MICU2: variants seen among roughly 807,000 people sequenced by gnomAD.
The protein encoded by MICU2 is mitochondrial calcium uptake 2, also known as calcium uptake protein 2, mitochondrial.
A neutral mutation model predicts 60.4 loss-of-function variants in MICU2; 64 were observed. The ratio of observed to expected loss-of-function variants is 1.06; its 90% confidence interval spans 0.87 to 1.31. The LOEUF (loss-of-function observed/expected upper bound fraction) is 1.31, where lower values mean the gene tolerates loss of function less well. Among genes scored for constraint, MICU2 ranks in the 50% most tolerant of loss-of-function variants. The pLI, the probability that MICU2 is intolerant of heterozygous loss-of-function variation, is 0.00. For missense variants in MICU2, 569 were observed against 531.0 expected, an observed-to-expected ratio of 1.07 and a Z score of -0.70; for synonymous variants, 201 against 175.0, an observed-to-expected ratio of 1.15 and a Z score of -1.17.
intron 6 of MICU2, among the ~76,000 whole-genome samples, chr13:21,519,731 A>G (rs1241218660): frequency 6.6e-6 from 1 of 152,170 alleles, no homozygotes; most frequent in Non-Finnish European, 1.5e-5. Flanking sequence ...CAAGCCCAAC[A>G]TTTCCAAGCT....
intron 6 of MICU2, 27 bp from the exon 7 acceptor site, chr13:21,514,445 CAT>C: frequency 6.3e-7 from 1 of 1,577,334 alleles, no homozygotes; most frequent in Non-Finnish European, 8.7e-7. Flanking sequence ...CATGAGTTTA[CAT>C]GTGTGCCTAC....
chr13:21,528,824 A>T (rs1035963325), intron 4 of MICU2, among the ~76,000 whole-genome samples: 2 of 152,244 alleles, frequency 1.3e-5, no homozygotes, highest in African/African-American at 4.8e-5. Context: ...TTTCTACTGA[A>T]GAAGTTAAAA....
chr13:21,494,029 GCT>G (rs1566135946), intron 11 of MICU2, among the ~76,000 whole-genome samples: 1 of 152,080 alleles, frequency 6.6e-6, no homozygotes, highest in African/African-American at 2.4e-5. Context: ...CTGATTTACA[GCT>G]TTTCTTTTTA....
chr13:21,594,905 T>TA (rs1303208663), intron 1 of MICU2, among the ~76,000 whole-genome samples: 2 of 151,732 alleles, frequency 1.3e-5, no homozygotes, highest in African/African-American at 4.8e-5. Flanking sequence ...GGAGGGAACT[T>TA]AGAGGATGGG....
intron 4 of MICU2, among the ~76,000 whole-genome samples, chr13:21,527,297 C>T (rs1468861232): frequency 6.6e-6 from 1 of 152,138 alleles, no homozygotes; most frequent in South Asian, 2.1e-4. Flanking sequence ...CAAAGGAATA[C>T]GGCAATGTGA....
At chr13:21,595,059 T>C (rs1888663083) in intron 1 of MICU2, among the ~76,000 whole-genome samples, 1 of 152,156 alleles carries the variant, frequency 6.6e-6, no homozygotes, top group African/African-American at 2.4e-5. Context: ...ATTTTAAGAA[T>C]AAAAACCAGA....
intron 4 of MICU2, among the ~76,000 whole-genome samples, chr13:21,528,843 CAGA>C (rs1443861159): frequency 1.2e-4 from 18 of 152,104 alleles, no homozygotes; most frequent in Non-Finnish European, 5.9e-5. Context: ...AAACAATTCC[CAGA>C]AGAAGTGAAG....
intron 1 of MICU2, among the ~76,000 whole-genome samples, chr13:21,582,295 A>G (rs936995745): frequency 1.3e-5 from 2 of 152,198 alleles, no homozygotes; most frequent in African/African-American, 4.8e-5. Flanking sequence ...TGAAGATACA[A>G]TAGCCAAAAC....
Position 21,493,201 on chromosome 13 carries a change from A to C in MICU2, c.*48T>G, listed in dbSNP as rs1159241252. On this transcript the variant is annotated 3_prime_UTR_variant, in exon 12 of 12. Coordinates refer to ENST00000382374, the MANE Select transcript of MICU2 (RefSeq NM_152726.3). ...TAGCAAGTACTTCTAAAAAATCACA[A>C]ATTTTGACATTTGGAACAATATAAT... 1 of 1,348,694 alleles carries C rather than the reference A, an allele frequency of 7.4e-7. No individual in the cohort carries two copies. The highest frequency in any genetic ancestry group is 1.0e-6 in the Non-Finnish European group (1 of 982,528). 83.5% of individuals were successfully genotyped at this position (1,348,694 alleles called of 1,614,324 possible).
intron 1 of MICU2, among the ~76,000 whole-genome samples, chr13:21,598,076 A>G (rs1427745685): frequency 6.6e-6 from 1 of 152,164 alleles, no homozygotes; most frequent in Non-Finnish European, 1.5e-5. Context: ...AATTTGTATA[A>G]TAAGGAATTT....
chr13:21,554,661 A>C (rs1030373239), intron 2 of MICU2, among the ~76,000 whole-genome samples: 7 of 152,216 alleles, frequency 4.6e-5, no homozygotes, highest in Admixed American at 2.0e-4. Context: ...AAGCTAGCGG[A>C]AGGCAAGAGA....
intron 1 of MICU2, among the ~76,000 whole-genome samples, chr13:21,585,126 A>G (rs1888430229): frequency 6.6e-6 from 1 of 152,232 alleles, no homozygotes; most frequent in African/African-American, 2.4e-5. Context: ...ATGCAGGACA[A>G]ACAGCTATGC....
chr13:21,541,960 T>C (rs760875363), intron 2 of MICU2, among the ~76,000 whole-genome samples: 19 of 152,232 alleles, frequency 1.2e-4, no homozygotes, highest in Non-Finnish European at 2.2e-4. Context: ...AATAAATAAT[T>C]AGAAAATAAT....
intron 2 of MICU2, among the ~76,000 whole-genome samples, chr13:21,553,755 A>G (rs1887631784): frequency 6.6e-6 from 1 of 152,218 alleles, no homozygotes. Context: ...GATAGAGTCA[A>G]GACCCATCAG....
intron 2 of MICU2, among the ~76,000 whole-genome samples, chr13:21,547,030 A>G (rs1887435105): frequency 6.6e-6 from 1 of 152,114 alleles, no homozygotes; most frequent in Non-Finnish European, 1.5e-5. Flanking sequence ...TACAATGTTG[A>G]AGACAAGCAG....
At chr13:21,521,384 G>T in intron 5 of MICU2, 57 bp from the exon 6 acceptor site, 1 of 1,399,098 alleles carries the variant, frequency 7.1e-7, no homozygotes, top group Non-Finnish European at 9.9e-7. Flanking sequence ...GTTATTTGTA[G>T]ATAGATAGGT....
intron 1 of MICU2, among the ~76,000 whole-genome samples, chr13:21,579,820 GA>G (rs879266919): frequency 3.3e-5 from 5 of 150,874 alleles, no homozygotes; most frequent in Non-Finnish European, 5.9e-5. Flanking sequence ...ATCATTAACT[GA>G]AAAAAAAATC....
At chr13:21,552,972 C>T (rs965753023) in intron 2 of MICU2, among the ~76,000 whole-genome samples, 3 of 152,134 alleles carry the variant, frequency 2.0e-5, no homozygotes, top group African/African-American at 7.2e-5. Context: ...TGAAGAAAGT[C>T]ATTGGTAGCT....
At chr13:21,585,599 C>T (rs1357678726) in intron 1 of MICU2, among the ~76,000 whole-genome samples, 9 of 152,036 alleles carry the variant, frequency 5.9e-5, no homozygotes, top group African/African-American at 1.9e-4. Context: ...TAAAAGAAAA[C>T]AATGCCAATT....
Sources: allele counts gnomAD v4.1 joint callset (sites outside exome capture counted in the v4.1 genomes callset), GRCh38; gene constraint gnomAD v4.1.1; transcripts MANE v1.5; gene names NCBI Gene and HGNC (gene_info 2026-07-23, HGNC 2026-07-21).